MAGI1: variants seen among roughly 807,000 people sequenced by gnomAD.
MAGI1 encodes membrane-associated guanylate kinase, WW and PDZ domain-containing protein 1.
A neutral mutation model predicts 139.9 loss-of-function variants in MAGI1; 58 were observed. The observed-to-expected ratio is 0.41, with a 90% confidence interval of 0.34 to 0.52. The LOEUF (loss-of-function observed/expected upper bound fraction) is 0.52. Among genes scored for constraint, MAGI1 ranks in the 20% least tolerant of loss-of-function variants. The pLI, the probability that MAGI1 is intolerant of heterozygous loss-of-function variation, is 0.12. For missense variants in MAGI1, 1,874 were observed against 1,901.6 expected (o/e 0.99, Z 0.27); for synonymous variants, 812 against 737.9 (o/e 1.10, Z -1.63).
At chr3:65,925,651 G>A (rs913779755) in intron 1 of MAGI1, among the ~76,000 whole-genome samples, 3 of 151,384 alleles carry the variant, frequency 2.0e-5, no homozygotes, top group Non-Finnish European at 4.4e-5. Context: ...AATAGTAATA[G>A]CTCTCTCATA....
intron 1 of MAGI1, among the ~76,000 whole-genome samples, chr3:65,666,145 T>G (rs1413075636): frequency 6.6e-6 from 1 of 152,126 alleles, no homozygotes; most frequent in Admixed American, 6.5e-5. Flanking sequence ...TGTTGATCAG[T>G]CCAGAGCAGG....
intron 12 of MAGI1, among the ~76,000 whole-genome samples, chr3:65,421,969 T>C (rs1451659409): frequency 2.0e-5 from 3 of 152,228 alleles, no homozygotes; most frequent in African/African-American, 7.2e-5. Flanking sequence ...CCATTAACTA[T>C]GCACGTGCCT....
At chr3:65,777,376 G>T (rs1049080698) in intron 1 of MAGI1, among the ~76,000 whole-genome samples, 1 of 152,002 alleles carries the variant, frequency 6.6e-6, no homozygotes, top group Non-Finnish European at 1.5e-5. Flanking sequence ...AATACTATGT[G>T]TCAAGAAAAA....
chr3:65,430,202 ATAATATC>A, intron 11 of MAGI1, 62 bp from the exon 12 acceptor site: 1 of 1,528,526 alleles, frequency 6.5e-7, no homozygotes, highest in Non-Finnish European at 9.0e-7. Flanking sequence ...CATCAGTATT[ATAATATC>A]TCCCACTAAC....
chr3:65,548,244 C>A (rs1013443911), intron 2 of MAGI1, among the ~76,000 whole-genome samples: 1 of 152,148 alleles, frequency 6.6e-6, no homozygotes, highest in Non-Finnish European at 1.5e-5. Flanking sequence ...TTGGGGGCAT[C>A]CCAGGTGAAA....
intron 1 of MAGI1, among the ~76,000 whole-genome samples, chr3:65,948,527 C>G (rs929992582): frequency 6.6e-6 from 1 of 152,074 alleles, no homozygotes; most frequent in Admixed American, 6.6e-5. Context: ...CTTGGCCGGC[C>G]TCATGAAATT....
intron 5 of MAGI1, among the ~76,000 whole-genome samples, chr3:65,468,662 C>A (rs1950340993): frequency 6.6e-6 from 1 of 151,982 alleles, no homozygotes; most frequent in African/African-American, 2.4e-5. Flanking sequence ...CAGGCGTGAG[C>A]CACTGCACCC....
intron 1 of MAGI1, among the ~76,000 whole-genome samples, chr3:65,968,567 G>A (rs1486958956): frequency 1.3e-5 from 2 of 151,526 alleles, no homozygotes; most frequent in African/African-American, 2.4e-5. Context: ...AATAAGGTGT[G>A]TGTGTATATG....
At chr3:65,793,667 C>A (rs138163510) in intron 1 of MAGI1, among the ~76,000 whole-genome samples, 1 of 152,328 alleles carries the variant, frequency 6.6e-6, no homozygotes, top group Non-Finnish European at 1.5e-5. Context: ...ATGCCTGCAA[C>A]TGCTGGCCTG....
chr3:65,846,974 T>TAAAA (rs1300326490), intron 1 of MAGI1, among the ~76,000 whole-genome samples: 12 of 22,316 alleles, frequency 5.4e-4, no homozygotes, highest in African/African-American at 5.3e-3. Context: ...AGCAATGTCT[T>TAAAA]ACAAAAAAAA....
At chr3:65,933,979 T>C (rs1327609111) in intron 1 of MAGI1, among the ~76,000 whole-genome samples, 1 of 151,930 alleles carries the variant, frequency 6.6e-6, no homozygotes, top group Non-Finnish European at 1.5e-5. Flanking sequence ...TACAAAAAAT[T>C]AGCTGGGCTT....
At chr3:65,494,800 C>G (rs1159091959) in intron 2 of MAGI1, among the ~76,000 whole-genome samples, 1 of 152,230 alleles carries the variant, frequency 6.6e-6, no homozygotes, top group Admixed American at 6.5e-5. Flanking sequence ...CACACCTACA[C>G]TGGATATTCA....
At chr3:65,388,834 ATTTTTT>A (rs35579495) in intron 14 of MAGI1, among the ~76,000 whole-genome samples, 31 of 91,942 alleles carry the variant, frequency 3.4e-4, no homozygotes, top group Middle Eastern at 0.023. Flanking sequence ...ACCATTCCGA[ATTTTTT>A]TTTTTTTTTT....
chr3:66,028,854 A>G (rs368778461), intron 1 of MAGI1, among the ~76,000 whole-genome samples: 7 of 152,192 alleles, frequency 4.6e-5, no homozygotes, highest in East Asian at 3.9e-4. Context: ...TTTTTTTTCT[A>G]GACTTGAAAA....
chr3:65,477,019 AC>A (rs1950929978), intron 4 of MAGI1, among the ~76,000 whole-genome samples: 1 of 152,154 alleles, frequency 6.6e-6, no homozygotes. Flanking sequence ...AAAAGGGGAA[AC>A]TCAGACATGA....
chr3:65,963,176 G>A (rs2064538365), intron 1 of MAGI1, among the ~76,000 whole-genome samples: 1 of 151,222 alleles, frequency 6.6e-6, no homozygotes, highest in African/African-American at 2.4e-5. Context: ...AAAATTAGCT[G>A]GGAGTGGCAT....
At chr3:65,633,951 G>A (rs553530222) in intron 1 of MAGI1, among the ~76,000 whole-genome samples, 1 of 152,140 alleles carries the variant, frequency 6.6e-6, no homozygotes, top group Non-Finnish European at 1.5e-5. Flanking sequence ...CTAAATTCTT[G>A]AAAAGATACT....
Position 65,851,741 on chromosome 3 carries a change from T to G in MAGI1, c.313+186255A>C, listed in dbSNP as rs1025509059. Among the ~76,000 whole-genome samples, 3 of 151,978 alleles carry G rather than the reference T, an allele frequency of 2.0e-5. No individual in the cohort carries two copies. In the South Asian group the frequency reaches 6.2e-4, roughly 32 times the overall value. On this transcript the variant is annotated intron_variant, in intron 1 of 22. Coordinates refer to ENST00000402939, the MANE Select transcript of MAGI1 (RefSeq NM_001033057.2). ...TCCAGCCTGGGCAACAGAGCAAGTC[T>G]CTGTCTCAAAAAAAAAATGTGTTAG...
intron 1 of MAGI1, among the ~76,000 whole-genome samples, chr3:65,761,691 T>A (rs2037043817): frequency 6.6e-6 from 1 of 152,172 alleles, no homozygotes. Context: ...CAGCCGAGAA[T>A]GAACCTAGAA....
Sources: allele counts gnomAD v4.1 joint callset (sites outside exome capture counted in the v4.1 genomes callset), GRCh38; gene constraint gnomAD v4.1.1; transcripts MANE v1.5; gene names NCBI Gene and HGNC (gene_info 2026-07-23, HGNC 2026-07-21).